Variants in C10orf105 observed in about 807,000 individuals in gnomAD.
The protein encoded by C10orf105 is chromosome 10 open reading frame 105, also known as uncharacterized protein C10orf105.
Under a neutral mutation model 0.6 loss-of-function variants are expected in C10orf105, and 2 were observed. The observed-to-expected ratio is 3.18, with a 90% CI of 1.30 to 10.01. The LOEUF is 10.01. Among genes scored for constraint, C10orf105 ranks in the 30% most tolerant of loss-of-function variants. The pLI, the probability that C10orf105 is intolerant of heterozygous loss-of-function variation, is 0.04. For synonymous variants in C10orf105, 95 were observed against 82.4 expected (o/e 1.15, Z -0.83); for missense variants, 209 against 191.4 (o/e 1.09, Z -0.54).
upstream of C10orf105, among the ~76,000 whole-genome samples, chr10:71,720,076 C>T (rs577245950): frequency 1.2e-4 from 19 of 152,286 alleles, no homozygotes; most frequent in African/African-American, 4.1e-4. Context: ...GTATGGTCGG[C>T]GGCAGCCAGA....
chr10:71,735,045 G>A (rs1045517980), intron 1 of C10orf105, among the ~76,000 whole-genome samples: 10 of 152,338 alleles, frequency 6.6e-5, no homozygotes, highest in Admixed American at 4.6e-4. Context: ...CAGCATCCCT[G>A]CCATCCTCAG....
chr10:71,730,630 G>A (rs1476920942), intron 1 of C10orf105: 24 of 1,612,714 alleles, frequency 1.5e-5, no homozygotes, highest in Non-Finnish European at 1.9e-5. Flanking sequence ...GGAAGCCGGG[G>A]ATCCCATTGC....
rs146157152 is a variant in C10orf105 at position 71,734,157 on chromosome 10, A to C, written c.-6+3571T>G. ...AGTTATGCCGGACAGAGGAAGTGAC[A>C]TGGAGGTGGAAAAGTGGGCAGAATG... On this transcript the variant is annotated intron_variant, in intron 1 of 1. Transcript: ENST00000398786. The C allele has an allele frequency of 2.7e-6, 3 of 1,097,280 alleles. No individual in the cohort carries two copies. In the Admixed American group the frequency reaches 5.9e-5, roughly 22 times the overall value. 68.0% of individuals were successfully genotyped at this position (1,097,280 alleles called of 1,614,324 possible). A position where few individuals can be genotyped will look rare whatever the true frequency, so the allele number is the denominator to read the frequency against.
At chr10:71,721,747 A>G (rs1350330993), upstream of C10orf105, among the ~76,000 whole-genome samples, 1 of 152,092 alleles carries the variant, frequency 6.6e-6, no homozygotes, top group Non-Finnish European at 1.5e-5. Flanking sequence ...CACCATGTCT[A>G]TACTCCCTGT....
In C10orf105 at chr10:71,712,911, G is replaced by A; in HGVS notation, c.*3025C>T. 1.4e-6 allele frequency: 2 copies of A among 1,416,152 alleles called. No individual in the cohort carries two copies. Among genetic ancestry groups the A allele is most frequent in the East Asian group, 2.5e-5 (1 of 40,630 alleles). 87.7% of individuals were successfully genotyped at this position (1,416,152 alleles called of 1,614,324 possible). ...ATGCTCAGTGGCACCAGAGGCGGAA[G>A]CAGGTGGGGGCCCAGGGTGGGTCCG... On this transcript the variant is annotated 3_prime_UTR_variant, in exon 2 of 2. Transcript: ENST00000441508.
chr10:71,732,000 G>T (rs767483018), intron 1 of C10orf105: 1 of 1,613,602 alleles, frequency 6.2e-7, no homozygotes, highest in East Asian at 2.2e-5. Flanking sequence ...ATGGTGGCCT[G>T]GTGAACTACC....
At chr10:71,736,862 G>GCTTTCTCA (rs1839581639) in intron 1 of C10orf105, among the ~76,000 whole-genome samples, 1 of 152,188 alleles carries the variant, frequency 6.6e-6, no homozygotes, top group African/African-American at 2.4e-5. Flanking sequence ...CTGAGAGAAA[G>GCTTTCTCA]CCTATAATAA....
At chr10:71,724,023 C>T (rs1355118406), upstream of C10orf105, 1 of 1,553,962 alleles carries the variant, frequency 6.4e-7, no homozygotes, top group Non-Finnish European at 8.7e-7. Context: ...CAAGAAGTAA[C>T]TCGTGTCTCA....
In C10orf105 at chr10:71,716,287, G is replaced by A. The variant is rs914662334; in HGVS notation, c.51C>T (p.Leu17=). ...SLASSPAISP[L]AFLSAPVTPG... is the part of the protein sequence containing the mutation. Reference sequence around the variant, plus strand: ...GAGTGACGGGAGCTGAGAGAAAGGCGAGGGGGCTGATGGCTGGGGAGCTGG... The same window carrying A: ...GAGTGACGGGAGCTGAGAGAAAGGCAAGGGGGCTGATGGCTGGGGAGCTGG... Residue 17 remains leucine (L), a synonymous_variant, in exon 2 of 2, where the codon CTC becomes CTT. Coordinates refer to ENST00000441508, the MANE Select transcript of C10orf105 (RefSeq NM_001164375.3). The A allele has an allele frequency of 7.9e-6, 12 of 1,526,590 alleles. No homozygotes were observed. The highest frequency in any genetic ancestry group is 6.2e-5 in the South Asian group (5 of 80,812). 94.6% of individuals were successfully genotyped at this position (1,526,590 alleles called of 1,614,324 possible).
chr10:71,728,853 G>A (rs1366461673), intron 1 of C10orf105, among the ~76,000 whole-genome samples: 5 of 152,160 alleles, frequency 3.3e-5, no homozygotes, highest in Non-Finnish European at 7.3e-5. Flanking sequence ...ACAGATGCAT[G>A]TCACCACCCC....
rs914940741 is a variant in C10orf105, at chr10:71,713,426, T to A, written c.*2510A>T. ...CTTTACCAACTATGGGGTTTCCGAC[T>A]CGGAGGCTGAGCCAAACAGGGAATC... On this transcript the variant is annotated 3_prime_UTR_variant, in exon 2 of 2. Coordinates refer to ENST00000441508, the MANE Select transcript of C10orf105 (RefSeq NM_001164375.3). The A allele has an allele frequency of 6.4e-5, 39 of 609,170 alleles. No homozygotes were observed. The highest frequency in any genetic ancestry group is 1.1e-4 in the Non-Finnish European group (38 of 341,214). The allele number at this position is 609,170 out of a possible 1,614,324, so 37.7% of individuals were successfully genotyped here. A position where few individuals can be genotyped will look rare whatever the true frequency, so the allele number is the denominator to read the frequency against.
Position 71,716,225 on chromosome 10 carries a change from A to C in C10orf105, c.113T>G (p.Met38Arg). ...GAAGATGCAGGCCAGGGCGATGAGC[A>C]TGGGGAGGGGGTCAGTTGCCTCTGC... The part of the protein sequence containing the change: ...TLAEATDPLP[M>R]LIALACIFLL... The change falls in exon 2 of 2, where the codon ATG (methionine) becomes AGG (arginine). Residue 38 changes from methionine to arginine, a missense_variant. Coordinates refer to ENST00000441508, the MANE Select transcript of C10orf105 (RefSeq NM_001164375.3). 1 of 1,550,774 alleles carries C rather than the reference A, an allele frequency of 6.4e-7. No homozygotes were observed.
At chr10:71,734,123 T>C (rs1190458874) in intron 1 of C10orf105, 4 of 821,934 alleles carry the variant, frequency 4.9e-6, no homozygotes, top group African/African-American at 1.7e-5. Flanking sequence ...AGACAGAGTG[T>C]CCTGGGGAAG....
rs1564750318 is a variant in C10orf105, at chr10:71,713,676, C to T, written c.*2260G>A. On this transcript the variant is annotated 3_prime_UTR_variant, in exon 2 of 2. Transcript: ENST00000441508. ...AGTAGAGGGTTCTCTCGATCAGGGC[C>T]TCAGCTTGTGAGGACTTGGAGCATA... 2 of 229,194 alleles carry T rather than the reference C, an allele frequency of 8.7e-6. No individual in the cohort carries two copies. Among genetic ancestry groups the T allele is most frequent in the South Asian group, 1.1e-4 (2 of 18,062 alleles). 14.2% of individuals were successfully genotyped at this position (229,194 alleles called of 1,614,324 possible).
At chr10:71,728,007 C>T (rs1450634294) in intron 1 of C10orf105, among the ~76,000 whole-genome samples, 1 of 152,170 alleles carries the variant, frequency 6.6e-6, no homozygotes, top group African/African-American at 2.4e-5. Context: ...CACCCCAGCT[C>T]CCTGCCACCT....
At chr10:71,726,970 G>A (rs534635449) in intron 1 of C10orf105, among the ~76,000 whole-genome samples, 2 of 152,304 alleles carry the variant, frequency 1.3e-5, no homozygotes, top group South Asian at 2.1e-4. Flanking sequence ...AAAACAGATC[G>A]AAGCCAGACT....
chr10:71,732,866 T>C (rs1839436584), intron 1 of C10orf105: 2 of 244,540 alleles, frequency 8.2e-6, no homozygotes, highest in Non-Finnish European at 1.4e-5. Context: ...GGGAATCCTA[T>C]AGTTTGATTT....
chr10:71,723,851 C>T (rs933778860), upstream of C10orf105, among the ~76,000 whole-genome samples: 4 of 152,128 alleles, frequency 2.6e-5, no homozygotes, highest in Admixed American at 6.5e-5. Flanking sequence ...GGGCCATCAG[C>T]GGTCGGACAT....
rs1431003461 is a variant in C10orf105, at chr10:71,713,763, T to C, written c.*2173A>G. The stretch of plus-strand genomic sequence containing the variant: ...CCTCCCCCTCCTGGACTTTTCCTTC[T>C]TCAGGCCTCAGGGCAGCCTCAACCC... On this transcript the variant is annotated 3_prime_UTR_variant, in exon 2 of 2. Transcript: ENST00000441508. 4 of 162,568 alleles carry C rather than the reference T, an allele frequency of 2.5e-5. No individual in the cohort carries two copies. In the South Asian group the frequency reaches 6.4e-4, roughly 26 times the overall value. The allele number at this position is 162,568 out of a possible 1,614,324, so 10.1% of individuals were successfully genotyped here.
Sources: gnomAD v4.1 joint callset for allele counts (sites outside exome capture counted in the v4.1 genomes callset) on GRCh38, gnomAD v4.1.1 for gene constraint, MANE v1.5 for transcripts, NCBI Gene and HGNC (gene_info 2026-07-23, HGNC 2026-07-21) for gene names.